ZNF232: variants seen among roughly 807,000 people sequenced by gnomAD.
ZNF232 encodes the protein zinc finger protein 232.
In ZNF232, 25 loss-of-function variants were observed where a neutral mutation model predicts 25.2. That is an observed-to-expected ratio of 0.99 (90% CI 0.72 to 1.39). ZNF232 has a LOEUF of 1.39. ZNF232 is among the 40% of genes most tolerant of loss of function. The pLI is 0.00. For synonymous variants in ZNF232, 193 were observed against 182.9 expected (o/e 1.06, Z -0.45); for missense variants, 519 against 520.9 (o/e 1.00, Z 0.04).
chr17:5,106,465 A>G (rs745802359), exon 4 of ZNF232: 93 of 1,614,130 alleles, frequency 5.8e-5, no homozygotes, highest in Non-Finnish European at 5.3e-5. Context: ...GGTTGTGGCA[A>G]TGATCCTTTG....
Position 5,119,504 on chromosome 17 carries a change from G to C in ZNF232, c.-530+3473C>G, listed in dbSNP as rs1218898972. 3.9e-5 allele frequency among the ~76,000 whole-genome samples: 6 copies of C among 152,336 alleles called. No homozygotes were observed. In the East Asian group the frequency reaches 1.2e-3, roughly 29 times the overall value. On this transcript the variant is annotated intron_variant, in intron 1 of 4. Coordinates refer to the ZNF232 transcript ENST00000250076. ...CAGAAATTCACCTGGAAGCAAGCGA[G>C]GCTGGGGCCCAGAAACCCCCTGGGC...
intron 1 of ZNF232, among the ~76,000 whole-genome samples, chr17:5,120,401 C>T (rs573908959): frequency 1.3e-5 from 2 of 152,154 alleles, no homozygotes; most frequent in African/African-American, 4.8e-5. Context: ...AGTCCAGTCC[C>T]GAGTCACAGT....
At chr17:5,121,462 A>C (rs1357331825) in intron 1 of ZNF232, 1 of 264,564 alleles carries the variant, frequency 3.8e-6, no homozygotes, top group African/African-American at 2.2e-5. Flanking sequence ...ATCTCTGTGC[A>C]GAACCTGAGC....
chr17:5,108,540 C>T (rs1372845739), intron 3 of ZNF232, among the ~76,000 whole-genome samples: 1 of 151,426 alleles, frequency 6.6e-6, no homozygotes, highest in Non-Finnish European at 1.5e-5. Context: ...AAAAGGATCT[C>T]AAGGCTGGCC....
At chr17:5,111,956 C>G (rs751728763), upstream of ZNF232, 2 of 1,353,180 alleles carry the variant, frequency 1.5e-6, no homozygotes, top group Non-Finnish European at 9.9e-7. Context: ...GACTTTGGCC[C>G]AGGCGCGTGG....
chr17:5,111,577 C>T (rs550036914), intron 1 of ZNF232: 1 of 648,276 alleles, frequency 1.5e-6, no homozygotes, highest in Non-Finnish European at 2.6e-6. Flanking sequence ...ACCCAAGGGT[C>T]TCGAGAAAAG....
chr17:5,111,353 C>G lies in ZNF232; in HGVS notation c.23+447G>C, dbSNP rs79808699. 2.1e-3 allele frequency: 410 copies of G among 197,192 alleles called. 5 individuals are homozygous for G. Among genetic ancestry groups the G allele is most frequent in the Middle Eastern group, 3.9e-3 (2 of 508 alleles). The allele number at this position is 197,192 out of a possible 1,614,324, so 12.2% of individuals were successfully genotyped here. A position where few individuals can be genotyped will look rare whatever the true frequency, so the allele number is the denominator to read the frequency against. On this transcript the variant is annotated intron_variant, in intron 1 of 3. Coordinates refer to ENST00000575898, the Ensembl canonical transcript of ZNF232. ...CTTTCACACAGGGAAGGAGGTGGAA[C>G]GCATCAGAGGCCACGAAAGGAGCAC...
chr17:5,117,573 G>A (rs568687869), intron 1 of ZNF232, among the ~76,000 whole-genome samples: 90 of 151,878 alleles, frequency 5.9e-4, no homozygotes, highest in African/African-American at 2.0e-3. Flanking sequence ...AAATGGGGTC[G>A]CATCAGAATA....
At chr17:5,115,963 C>A (rs1272856745), upstream of ZNF232, among the ~76,000 whole-genome samples, 1 of 152,202 alleles carries the variant, frequency 6.6e-6, no homozygotes, top group African/African-American at 2.4e-5. Flanking sequence ...GGTGCGTGCG[C>A]CGAAAGGGCC....
chr17:5,109,992 C>T (rs12603357), intron 1 of ZNF232, 124 bp from the exon 2 acceptor site: 136,662 of 915,572 alleles, frequency 0.15, 18,863 homozygotes, highest in East Asian at 0.58. Context: ...GGGGTTCTAG[C>T]GATTCTCCTA....
At chr17:5,120,618 T>C in intron 1 of ZNF232, 1 of 373,790 alleles carries the variant, frequency 2.7e-6, no homozygotes, top group South Asian at 2.0e-5. Flanking sequence ...TGCTGTCCTC[T>C]CTGCCCAGGA....
chr17:5,106,045 C>G (rs1351628464), exon 4 of ZNF232: 4 of 1,613,978 alleles, frequency 2.5e-6, no homozygotes, highest in African/African-American at 2.7e-5. Flanking sequence ...ACAAGATGAG[C>G]ACCCCATCTG....
chr17:5,106,341 G>C (rs1252386379), exon 4 of ZNF232: 1 of 1,614,154 alleles, frequency 6.2e-7, no homozygotes, highest in Non-Finnish European at 8.5e-7. Context: ...CAGTCTCTCC[G>C]CTTTGGGATT....
chr17:5,112,061 G>C (rs1204769905), upstream of ZNF232: 5 of 601,830 alleles, frequency 8.3e-6, no homozygotes, highest in Non-Finnish European at 1.4e-5. Flanking sequence ...TGGAGCGGCC[G>C]GGTGCCCTGG....
chr17:5,123,019 T>A (rs2072746488), exon 1 of ZNF232: 1 of 153,304 alleles, frequency 6.5e-6, no homozygotes, highest in Admixed American at 6.5e-5. Flanking sequence ...GCTCGTCTTC[T>A]GGCAGCTTGG....
chr17:5,120,370 G>C (rs2072626551), intron 1 of ZNF232, among the ~76,000 whole-genome samples: 1 of 152,170 alleles, frequency 6.6e-6, no homozygotes, highest in Non-Finnish European at 1.5e-5. Flanking sequence ...TCAGGGCTTA[G>C]CACTTGTTGG....
At chr17:5,106,410 G>C in exon 4 of ZNF232, 2 of 1,614,208 alleles carry the variant, frequency 1.2e-6, no homozygotes, top group Non-Finnish European at 1.7e-6. Flanking sequence ...GGTGTCAGTA[G>C]CAAGTTTTTC....
intron 1 of ZNF232, among the ~76,000 whole-genome samples, chr17:5,122,522 A>G (rs768672405): frequency 4.6e-5 from 7 of 152,184 alleles, no homozygotes; most frequent in Non-Finnish European, 8.8e-5. Context: ...CGGTCCTCTT[A>G]GTTCCTTGGC....
At chr17:5,110,320 T>C (rs916777300) in intron 1 of ZNF232, among the ~76,000 whole-genome samples, 1 of 152,190 alleles carries the variant, frequency 6.6e-6, no homozygotes, top group African/African-American at 2.4e-5. Flanking sequence ...ACTAAGTCAA[T>C]GTTTTTGAGA....
Sources: gnomAD v4.1 joint callset for allele counts (sites outside exome capture counted in the v4.1 genomes callset) on GRCh38, gnomAD v4.1.1 for gene constraint, MANE v1.5 for transcripts, NCBI Gene and HGNC (gene_info 2026-07-23, HGNC 2026-07-21) for gene names.